The following APBA2 variants were observed in gnomAD, a reference collection of about 807,000 sequenced individuals.
APBA2 encodes the protein amyloid-beta A4 precursor protein-binding family A member 2.
Under a neutral mutation model 75.0 loss-of-function variants are expected in APBA2, and 30 were observed. The observed-to-expected ratio is 0.40, with a 90% CI of 0.30 to 0.54. The LOEUF is 0.54. Among genes scored for constraint, APBA2 ranks in the 20% least tolerant of loss-of-function variants. APBA2 has a pLI of 0.49. For synonymous variants in APBA2, 444 were observed against 409.6 expected, an observed-to-expected ratio of 1.08 and a Z score of -1.01; for missense variants, 801 against 1,016.1, an observed-to-expected ratio of 0.79 and a Z score of 2.88.
chr15:29,028,371 A>G (rs1013037209), intron 3 of APBA2, among the ~76,000 whole-genome samples: 1 of 152,216 alleles, frequency 6.6e-6, no homozygotes, highest in African/African-American at 2.4e-5. Context: ...CATGGTATGT[A>G]TATATGTACC....
At chr15:29,077,790 C>G (rs2042913933) in intron 6 of APBA2, among the ~76,000 whole-genome samples, 2 of 152,202 alleles carry the variant, frequency 1.3e-5, no homozygotes, top group African/African-American at 4.8e-5. Context: ...ACATCCTTTA[C>G]TATTACAGCA....
chr15:28,997,381 C>T lies in APBA2; in HGVS notation c.-41+1575C>T, dbSNP rs183246160. Reference sequence around the variant, plus strand: ...CAAAGTTTGTGAATGTACTTTTGTGCTCTCAACAGGCCTTTTCTGCTCTAT... The same window carrying T: ...CAAAGTTTGTGAATGTACTTTTGTGTTCTCAACAGGCCTTTTCTGCTCTAT... On this transcript the variant is annotated intron_variant, in intron 3 of 14. Coordinates refer to ENST00000683413, the MANE Select transcript of APBA2 (RefSeq NM_001353788.2). Among the ~76,000 whole-genome samples, 11 of 152,304 alleles carry T rather than the reference C, an allele frequency of 7.2e-5. No individual in the cohort carries two copies. In the East Asian group the frequency reaches 1.9e-3, roughly 27 times the overall value.
In APBA2 at chr15:29,046,328, C is replaced by T. The variant is rs2041329525; in HGVS notation, c.-40-7517C>T. Among the ~76,000 whole-genome samples, 1 of 152,210 alleles carries T rather than the reference C, an allele frequency of 6.6e-6. No individual in the cohort carries two copies. Among genetic ancestry groups the T allele is most frequent in the Non-Finnish European group, 1.5e-5 (1 of 68,038 alleles). ...TTTCCTTCTCACCTCCCCTTGGCCA[C>T]ACCCCACTTTTGTGTCTTGGGAATT... On this transcript the variant is annotated intron_variant, in intron 3 of 14. Coordinates refer to ENST00000683413, the MANE Select transcript of APBA2 (RefSeq NM_001353788.2). The surrounding 1 kb of genome is among the most constrained non-coding windows in gnomAD (Gnocchi z 5.0).
At chr15:29,080,403 A>G (rs58644275) in intron 6 of APBA2, among the ~76,000 whole-genome samples, 11,211 of 152,110 alleles carry the variant, frequency 0.074, 855 homozygotes, top group African/African-American at 0.19. Flanking sequence ...AGTTCAGTGG[A>G]GGGGAGCGTT....
Position 28,991,983 on chromosome 15 carries a change from A to G in APBA2, c.-94-3770A>G, listed in dbSNP as rs137964888. 1.1e-4 allele frequency among the ~76,000 whole-genome samples: 17 copies of G among 152,236 alleles called. No homozygotes were observed. The highest frequency in any genetic ancestry group is 2.0e-4 in the Admixed American group (3 of 15,290). ...AGCTCTGGGGCCAGCTAGAGGAAGG[A>G]GTGTGATTGTGCCTTCCCGGGACAG... is the stretch of plus-strand genomic sequence containing the variant. On this transcript the variant is annotated intron_variant, in intron 2 of 14. Coordinates refer to ENST00000683413, the MANE Select transcript of APBA2 (RefSeq NM_001353788.2). The surrounding 1 kb of genome is among the most constrained non-coding windows in gnomAD (Gnocchi z 4.7).
chr15:29,063,204 G>A (rs1419390305), intron 4 of APBA2, among the ~76,000 whole-genome samples: 192 of 119,366 alleles, frequency 1.6e-3, no homozygotes, highest in African/African-American at 5.6e-3. Flanking sequence ...TATGGGTGGG[G>A]AGGGGAGTTG....
chr15:29,068,164 G>A (rs1218714868), intron 4 of APBA2, among the ~76,000 whole-genome samples: 1 of 152,222 alleles, frequency 6.6e-6, no homozygotes, highest in African/African-American at 2.4e-5. Flanking sequence ...CCTTCTGGGA[G>A]AACTGCAAGC....
chr15:29,072,051 G>A (rs1035715502), intron 4 of APBA2, among the ~76,000 whole-genome samples: 6 of 152,066 alleles, frequency 3.9e-5, no homozygotes, highest in East Asian at 1.9e-4. Context: ...AGCCCCTGTT[G>A]TGTCCCCCAA....
chr15:29,114,172 G>A (rs527517017), intron 14 of APBA2, among the ~76,000 whole-genome samples, 156 bp downstream of exon 14: 4 of 152,322 alleles, frequency 2.6e-5, no homozygotes, highest in African/African-American at 7.2e-5. Context: ...TGAATGGAGC[G>A]GCAGGTGATG....
At chr15:28,923,201 C>T (rs1350312112) in intron 2 of APBA2, among the ~76,000 whole-genome samples, 1 of 152,190 alleles carries the variant, frequency 6.6e-6, no homozygotes, top group Non-Finnish European at 1.5e-5. Flanking sequence ...TAGCAGACCC[C>T]TGGCCTCCCA....
intron 4 of APBA2, among the ~76,000 whole-genome samples, chr15:29,060,775 C>A (rs959246359): frequency 1.3e-5 from 2 of 151,978 alleles, no homozygotes; most frequent in African/African-American, 2.4e-5. Context: ...GCTTTGTTGA[C>A]ATAACGTATT....
intron 3 of APBA2, among the ~76,000 whole-genome samples, chr15:29,004,799 C>A (rs1322486145): frequency 6.6e-6 from 1 of 152,150 alleles, no homozygotes; most frequent in Non-Finnish European, 1.5e-5. Flanking sequence ...CCTGCCTCAG[C>A]CTCCCGAGTA....
At chr15:28,958,461 T>C (rs369112364) in intron 2 of APBA2, among the ~76,000 whole-genome samples, 7 of 152,388 alleles carry the variant, frequency 4.6e-5, no homozygotes, top group Admixed American at 6.5e-5. Flanking sequence ...TGTAGCGTTT[T>C]GGGATAATTC....
intron 3 of APBA2, among the ~76,000 whole-genome samples, chr15:29,009,686 T>G (rs2039303393): frequency 6.6e-6 from 1 of 152,234 alleles, no homozygotes; most frequent in East Asian, 1.9e-4. Flanking sequence ...CAATATATAC[T>G]GTTTTATGTC....
chr15:29,061,990 A>C (rs892902097), intron 4 of APBA2, among the ~76,000 whole-genome samples: 2 of 152,086 alleles, frequency 1.3e-5, no homozygotes, highest in Non-Finnish European at 1.5e-5. Flanking sequence ...TGGGGCTTGC[A>C]CTGCGCCCAG....
intron 3 of APBA2, among the ~76,000 whole-genome samples, chr15:29,020,741 C>T (rs1027307066): frequency 6.6e-6 from 1 of 152,028 alleles, no homozygotes. Flanking sequence ...ACCCGGGAGG[C>T]AGAGGTTGCA....
chr15:28,966,038 T>G (rs933297914), intron 2 of APBA2, among the ~76,000 whole-genome samples: 2 of 152,214 alleles, frequency 1.3e-5, no homozygotes, highest in South Asian at 4.1e-4. Flanking sequence ...TGATTTCTAG[T>G]TGGAGTCCAT....
intron 2 of APBA2, among the ~76,000 whole-genome samples, chr15:28,988,519 C>T (rs970000027): frequency 2.0e-4 from 30 of 152,148 alleles, no homozygotes; most frequent in Admixed American, 1.8e-3. Flanking sequence ...CTACCTTGGC[C>T]TCCCAAAATG....
At chr15:28,995,311 C>T (rs1438267985) in intron 2 of APBA2, among the ~76,000 whole-genome samples, 12 of 152,200 alleles carry the variant, frequency 7.9e-5, no homozygotes, top group African/African-American at 2.7e-4. Context: ...GTCCTCCTTC[C>T]TCTCTTCACT....
Sources: gnomAD v4.1 joint callset for allele counts (sites outside exome capture counted in the v4.1 genomes callset) on GRCh38, gnomAD v4.1.1 for gene constraint, Gnocchi (gnomAD v3.1) non-coding constraint, MANE v1.5 for transcripts, NCBI Gene and HGNC (gene_info 2026-07-23, HGNC 2026-07-21) for gene names.